The following LANCL2 variants were observed in gnomAD, a reference collection of about 807,000 sequenced individuals.
LANCL2 encodes lanC-like protein 2.
A neutral mutation model predicts 56.9 loss-of-function variants in LANCL2; 33 were observed. The observed-to-expected ratio is 0.58, with a 90% confidence interval of 0.44 to 0.78. The LOEUF (loss-of-function observed/expected upper bound fraction) is 0.78, where lower values mean the gene tolerates loss of function less well. Ranked by LOEUF, LANCL2 falls within the 30% of genes least tolerant of loss-of-function variation. The pLI, the probability that LANCL2 is intolerant of heterozygous loss-of-function variation, is 0.00. For missense variants in LANCL2, 562 were observed against 580.2 expected (o/e 0.97, Z 0.32); for synonymous variants, 233 against 228.2 (o/e 1.02, Z -0.19).
chr7:55,365,909 C>A lies in LANCL2; in HGVS notation c.-117C>A. 1.3e-6 allele frequency: 1 copy of A among 761,018 alleles called. No homozygotes were observed. The highest frequency in any genetic ancestry group is 1.9e-6 in the Non-Finnish European group (1 of 514,684). 47.1% of individuals were successfully genotyped at this position (761,018 alleles called of 1,614,324 possible). A position where few individuals can be genotyped will look rare whatever the true frequency, so the allele number is the denominator to read the frequency against. The stretch of plus-strand genomic sequence containing the variant: ...CCCCGCTCCTCCCGCCAGCGCGCGG[C>A]CTCGCTCCTCCTAGAGGACGCTCTC... On this transcript the variant is annotated 5_prime_UTR_variant, in exon 1 of 9. Transcript: ENST00000254770.
At chr7:55,413,478 G>A (rs530048623) in intron 6 of LANCL2, among the ~76,000 whole-genome samples, 2 of 152,354 alleles carry the variant, frequency 1.3e-5, no homozygotes, top group African/African-American at 4.8e-5. Context: ...CTTTTCCACT[G>A]TGTTTCAACT....
At chr7:55,403,777 G>A (rs559899586) in intron 5 of LANCL2, among the ~76,000 whole-genome samples, 1 of 151,660 alleles carries the variant, frequency 6.6e-6, no homozygotes, top group Non-Finnish European at 1.5e-5. Context: ...TCACCATATC[G>A]GCCAGGCTGG....
rs547268922 is a variant in LANCL2 at position 55,404,589 on chromosome 7, G to A, written c.825+3269G>A. 5.3e-5 allele frequency among the ~76,000 whole-genome samples: 8 copies of A among 151,822 alleles called. No individual in the cohort carries two copies. The South Asian group carries it at 1.5e-3, about 28-fold the overall frequency. On this transcript the variant is annotated intron_variant, in intron 5 of 8. Transcript: ENST00000254770. ...AGTAAAACATGCATATATGCATATA[G>A]TTCATTTTGTGAATTTTCTTTCTTT...
intron 5 of LANCL2, among the ~76,000 whole-genome samples, chr7:55,411,074 G>A (rs1046164514): frequency 4.6e-5 from 7 of 152,190 alleles, no homozygotes; most frequent in African/African-American, 1.7e-4. Context: ...GACATTGTGT[G>A]GCATTAACAT....
chr7:55,379,712 A>G (rs980421328), intron 1 of LANCL2: 2 of 152,688 alleles, frequency 1.3e-5, no homozygotes, highest in Non-Finnish European at 2.9e-5. Flanking sequence ...GTTTTTAAGA[A>G]GTTGGATGGA....
intron 6 of LANCL2, among the ~76,000 whole-genome samples, chr7:55,415,075 T>A (rs962692879): frequency 2.6e-5 from 4 of 152,148 alleles, no homozygotes; most frequent in African/African-American, 9.6e-5. Flanking sequence ...TGTGAATGAT[T>A]TTCTAACAAA....
At chr7:55,427,385 A>C (rs1260415695) in intron 7 of LANCL2, among the ~76,000 whole-genome samples, 1 of 152,242 alleles carries the variant, frequency 6.6e-6, no homozygotes, top group Non-Finnish European at 1.5e-5. Context: ...TTTTGGAAAG[A>C]TTGCTGTAGT....
At chr7:55,386,019 C>T (rs776796514) in intron 1 of LANCL2, among the ~76,000 whole-genome samples, 8 of 152,272 alleles carry the variant, frequency 5.3e-5, no homozygotes, top group African/African-American at 1.4e-4. Flanking sequence ...CTGTTCTGCC[C>T]GGCTCACTGG....
chr7:55,431,363 C>G lies in LANCL2; in HGVS notation c.*43C>G, dbSNP rs1790725271. ...CTAAAATACCCATTTGGACCAAAAGCCACCAGATTGCTTAGTGCCTGACAC... is the reference window on the plus strand; with the variant it reads ...CTAAAATACCCATTTGGACCAAAAGGCACCAGATTGCTTAGTGCCTGACAC... On this transcript the variant is annotated 3_prime_UTR_variant, in exon 9 of 9. Coordinates refer to ENST00000254770, the MANE Select transcript of LANCL2 (RefSeq NM_018697.4). The G allele has an allele frequency of 1.4e-6, 2 of 1,447,324 alleles. No homozygotes were observed. Among genetic ancestry groups the G allele is most frequent in the Non-Finnish European group, 9.6e-7 (1 of 1,039,520 alleles). The allele number at this position is 1,447,324 out of a possible 1,614,324, so 89.7% of individuals were successfully genotyped here.
At chr7:55,382,074 T>C (rs1216245815) in intron 1 of LANCL2, among the ~76,000 whole-genome samples, 1 of 152,204 alleles carries the variant, frequency 6.6e-6, no homozygotes, top group Non-Finnish European at 1.5e-5. Context: ...TTCATCCTTA[T>C]GTCAAAATGA....
At position 55,365,946 on chromosome 7, in the gene LANCL2, T is replaced by C. The variant is rs1045951883; in HGVS notation, c.-80T>C. ...TAGAGGACGCTCTCTGCGCGGGCCCTCGGAGGAGGCGGCGGCGGGGCGAGC... is the reference window on the plus strand; with the variant it reads ...TAGAGGACGCTCTCTGCGCGGGCCCCCGGAGGAGGCGGCGGCGGGGCGAGC... On this transcript the variant is annotated 5_prime_UTR_variant, in exon 1 of 9. Transcript: ENST00000254770. The C allele has an allele frequency of 8.3e-5, 99 of 1,191,660 alleles. No homozygotes were observed. The highest frequency in any genetic ancestry group is 9.6e-5 in the Non-Finnish European group (86 of 893,960). 73.8% of individuals were successfully genotyped at this position (1,191,660 alleles called of 1,614,324 possible).
At chr7:55,366,293 T>G (rs1789866958) in intron 1 of LANCL2, 64 bp downstream of exon 1, 1 of 1,349,106 alleles carries the variant, frequency 7.4e-7, no homozygotes. Context: ...GCGTCCACCT[T>G]CCGCCAGGCG....
intron 1 of LANCL2, 73 bp downstream of exon 1, chr7:55,366,302 C>T (rs559689533): frequency 1.5e-6 from 2 of 1,297,976 alleles, no homozygotes; most frequent in East Asian, 2.9e-5. Flanking sequence ...TTCCGCCAGG[C>T]GTGACGTCAC....
At chr7:55,368,307 A>G (rs547182935) in intron 1 of LANCL2, among the ~76,000 whole-genome samples, 17 of 152,352 alleles carry the variant, frequency 1.1e-4, no homozygotes, top group African/African-American at 3.8e-4. Flanking sequence ...TGAAAAGAAA[A>G]TTAGACTACA....
At chr7:55,402,399 G>A (rs1486657787) in intron 5 of LANCL2, among the ~76,000 whole-genome samples, 23 of 111,748 alleles carry the variant, frequency 2.1e-4, no homozygotes, top group South Asian at 9.4e-4. Context: ...CTCACCTCCC[G>A]GACGGGGCGG....
chr7:55,393,652 T>A lies in LANCL2; in HGVS notation c.322+1742T>A, dbSNP rs567437685. Among the ~76,000 whole-genome samples the A allele has an allele frequency of 1.3e-4, 20 of 152,362 alleles. No individual in the cohort carries two copies. In the East Asian group the frequency reaches 3.3e-3, roughly 25 times the overall value. On this transcript the variant is annotated intron_variant, in intron 2 of 8. Coordinates refer to ENST00000254770, the MANE Select transcript of LANCL2 (RefSeq NM_018697.4). ...ATAATATTGTATTTGTATTTATATTTACATTCATTTTTGTGAATATTGTAT... is the reference window on the plus strand; with the variant it reads ...ATAATATTGTATTTGTATTTATATTAACATTCATTTTTGTGAATATTGTAT...
chr7:55,426,422 T>C (rs2076835531), intron 7 of LANCL2, among the ~76,000 whole-genome samples: 1 of 152,372 alleles, frequency 6.6e-6, no homozygotes, highest in East Asian at 1.9e-4. Flanking sequence ...TACACTAAAG[T>C]GTGTACAGTG....
At chr7:55,408,759 C>G (rs1272421733) in intron 5 of LANCL2, among the ~76,000 whole-genome samples, 1 of 151,812 alleles carries the variant, frequency 6.6e-6, no homozygotes, top group Non-Finnish European at 1.5e-5. Context: ...ACAGACAAAT[C>G]CACATCATGC....
intron 2 of LANCL2, among the ~76,000 whole-genome samples, chr7:55,394,529 C>T (rs1411692121): frequency 6.6e-6 from 1 of 152,186 alleles, no homozygotes; most frequent in South Asian, 2.1e-4. Flanking sequence ...TGCTGCACTC[C>T]AGCCTGGGTG....
Sources: allele counts gnomAD v4.1 joint callset (sites outside exome capture counted in the v4.1 genomes callset), GRCh38; gene constraint gnomAD v4.1.1; transcripts MANE v1.5; gene names NCBI Gene and HGNC (gene_info 2026-07-23, HGNC 2026-07-21).